The following IER3 variants were observed in gnomAD, a reference collection of about 807,000 sequenced individuals.
IER3 encodes immediate early response 3.
A neutral mutation model predicts 5.4 loss-of-function variants in IER3; 5 were observed. The ratio of observed to expected loss-of-function variants is 0.92; its 90% CI spans 0.48 to 1.94. The LOEUF is 1.94. Among genes scored for constraint, IER3 ranks in the 30% most tolerant of loss-of-function variants. The pLI, the probability that IER3 is intolerant of heterozygous loss-of-function variation, is 0.01. For missense variants in IER3, 158 were observed against 218.2 expected (o/e 0.72, Z 1.74); for synonymous variants, 81 against 97.8 (o/e 0.83, Z 1.01).
Position 30,743,676 on chromosome 6 carries a change from T to G in IER3, c.*260A>C, listed in dbSNP as rs1778188780. On this transcript the variant is annotated 3_prime_UTR_variant, in exon 2 of 2. Coordinates refer to ENST00000259874, the MANE Select transcript of IER3 (RefSeq NM_003897.4). This position sits in a 1 kb window ranked among gnomAD's most constrained non-coding sequence, Gnocchi z 6.5. ...TACATAAATACATATAAATATTAATTAGGAGCAATAAGAAATAAATTAACG... is the reference window on the plus strand; with the variant it reads ...TACATAAATACATATAAATATTAATGAGGAGCAATAAGAAATAAATTAACG... 5.5e-6 allele frequency: 3 copies of G among 547,924 alleles called. No homozygotes were observed. The South Asian group carries it at 7.8e-5, about 14-fold the overall frequency. The allele number at this position is 547,924 out of a possible 1,614,324, so 33.9% of individuals were successfully genotyped here. A position where few individuals can be genotyped will look rare whatever the true frequency, so the allele number is the denominator to read the frequency against.
rs983948343 is a variant in IER3, at chr6:30,743,415, ACCT to A, written c.*518_*520del. ...AGTTGAGATGCTGGAGGATGCAGTCACCTCCTAAACTTACGACCCACCACCAGA... is the reference window on the plus strand; with the variant it reads ...AGTTGAGATGCTGGAGGATGCAGTCACCTAAACTTACGACCCACCACCAGA... On this transcript the variant is annotated 3_prime_UTR_variant, in exon 2 of 2. Transcript: ENST00000259874. This position sits in a 1 kb window ranked among gnomAD's most constrained non-coding sequence, Gnocchi z 6.5. The A allele has an allele frequency of 6.4e-6, 1 of 157,058 alleles. No individual in the cohort carries two copies. Among genetic ancestry groups the A allele is most frequent in the African/African-American group, 2.4e-5 (1 of 41,420 alleles). The allele number at this position is 157,058 out of a possible 1,614,324, so 9.7% of individuals were successfully genotyped here.
Position 30,743,597 on chromosome 6 carries a change from C to T in IER3, c.*339G>A, listed in dbSNP as rs1778183339. Reference sequence around the variant, plus strand: ...TACAGCAGGGGGAACATCTCACACCCTTGCATAAGTTAAAATAAATATTAC... The same window carrying T: ...TACAGCAGGGGGAACATCTCACACCTTTGCATAAGTTAAAATAAATATTAC... On this transcript the variant is annotated 3_prime_UTR_variant, in exon 2 of 2. Coordinates refer to ENST00000259874, the MANE Select transcript of IER3 (RefSeq NM_003897.4). The surrounding 1 kb of genome is among the most constrained non-coding windows in gnomAD (Gnocchi z 6.5). The T allele has an allele frequency of 2.5e-6, 1 of 394,174 alleles. No individual in the cohort carries two copies. 24.4% of individuals were successfully genotyped at this position (394,174 alleles called of 1,614,324 possible).
Position 30,744,253 on chromosome 6 carries a change from TC to T in IER3, c.210+55del. 2 of 1,612,696 alleles carry T rather than the reference TC, an allele frequency of 1.2e-6. No homozygotes were observed. The highest frequency in any genetic ancestry group is 1.7e-6 in the Non-Finnish European group (2 of 1,179,864). On this transcript the variant is annotated intron_variant, in intron 1 of 1. Transcript: ENST00000259874. This position sits in a 1 kb window ranked among gnomAD's most constrained non-coding sequence, Gnocchi z 6.0. The stretch of plus-strand genomic sequence containing the variant: ...GTCGAGGCCTCTGGAGTCGGGTCGT[TC>T]CCCAGTGACTCCAGGGCAGCGCACC...
In IER3 at chr6:30,743,971, T is replaced by A. The variant is rs1300708725; in HGVS notation, c.436A>T (p.Ser146Cys). 6.2e-7 allele frequency: 1 copy of A among 1,613,494 alleles called. No homozygotes were observed. Among genetic ancestry groups the A allele is most frequent in the Non-Finnish European group, 8.5e-7 (1 of 1,179,904 alleles). Residue 146 changes from serine to cysteine, a missense_variant, in exon 2 of 2, where the codon AGC (serine) becomes TGC (cysteine). Ser to Cys is a moderately radical substitution (Grantham distance 112, BLOSUM62 -1). Coordinates refer to ENST00000259874, the MANE Select transcript of IER3 (RefSeq NM_003897.4). The surrounding 1 kb of genome is among the most constrained non-coding windows in gnomAD (Gnocchi z 6.5). ...SEPSDYALDLSTFLQQHPAAF is the reference protein window; with the variant it reads ...SEPSDYALDLCTFLQQHPAAF The stretch of plus-strand genomic sequence containing the variant: ...GCCGGGTGTTGCTGGAGGAAAGTGC[T>A]GAGGTCCAGAGCGTAGTCCGAGGGC...
In IER3 at chr6:30,743,751, T is replaced by C; in HGVS notation, c.*185A>G. The stretch of plus-strand genomic sequence containing the variant: ...GCCCCAGCTGGGCTGTGCCTCGGTC[T>C]CTATGCGCCTCGGTCTCTGTGCGCC... On this transcript the variant is annotated 3_prime_UTR_variant, in exon 2 of 2. Transcript: ENST00000259874. This position sits in a 1 kb window ranked among gnomAD's most constrained non-coding sequence, Gnocchi z 6.5. 4 of 757,138 alleles carry C rather than the reference T, an allele frequency of 5.3e-6. No individual in the cohort carries two copies. The highest frequency in any genetic ancestry group is 8.2e-6 in the Non-Finnish European group (4 of 489,854). The allele number at this position is 757,138 out of a possible 1,614,324, so 46.9% of individuals were successfully genotyped here.
At position 30,744,265 on chromosome 6, in the gene IER3, C is replaced by A; in HGVS notation, c.210+44G>T. The A allele has an allele frequency of 6.2e-7, 1 of 1,612,766 alleles. No homozygotes were observed. Among genetic ancestry groups the A allele is most frequent in the Non-Finnish European group, 8.5e-7 (1 of 1,179,848 alleles). ...GGAGTCGGGTCGTTCCCCAGTGACTCCAGGGCAGCGCACCCCGCGAATGCC... is the reference window on the plus strand; with the variant it reads ...GGAGTCGGGTCGTTCCCCAGTGACTACAGGGCAGCGCACCCCGCGAATGCC... On this transcript the variant is annotated intron_variant, in intron 1 of 1. Transcript: ENST00000259874. The surrounding 1 kb of genome is among the most constrained non-coding windows in gnomAD (Gnocchi z 6.0).
At position 30,744,535 on chromosome 6, in the gene IER3, T is replaced by C. The variant is rs1421010949; in HGVS notation, c.-17A>G. 3.4e-6 allele frequency: 5 copies of C among 1,461,064 alleles called. No homozygotes were observed. The highest frequency in any genetic ancestry group is 2.5e-5 in the East Asian group (1 of 39,216). 90.5% of individuals were successfully genotyped at this position (1,461,064 alleles called of 1,614,324 possible). A position where few individuals can be genotyped will look rare whatever the true frequency, so the allele number is the denominator to read the frequency against. On this transcript the variant is annotated 5_prime_UTR_variant, in exon 1 of 2. Coordinates refer to ENST00000259874, the MANE Select transcript of IER3 (RefSeq NM_003897.4). The surrounding 1 kb of genome is among the most constrained non-coding windows in gnomAD (Gnocchi z 6.0). ...GTGACACATGGTGAGCCGAGCGGAG[T>C]GTAAGGCCAAGTGAGGGTCGGCTGC...
chr6:30,743,804 G>C lies in IER3; in HGVS notation c.*132C>G. On this transcript the variant is annotated 3_prime_UTR_variant, in exon 2 of 2. Transcript: ENST00000259874. This position sits in a 1 kb window ranked among gnomAD's most constrained non-coding sequence, Gnocchi z 6.5. ...GGTCCCGCCTCAAGCACCGGGTGGCGTCTCCGCTGTAGTGTTCTGAGTTCA... is the reference window on the plus strand; with the variant it reads ...GGTCCCGCCTCAAGCACCGGGTGGCCTCTCCGCTGTAGTGTTCTGAGTTCA... The C allele has an allele frequency of 7.9e-7, 1 of 1,264,036 alleles. No homozygotes were observed. Among genetic ancestry groups the C allele is most frequent in the Non-Finnish European group, 1.1e-6 (1 of 922,468 alleles). The allele number at this position is 1,264,036 out of a possible 1,614,324, so 78.3% of individuals were successfully genotyped here.
chr6:30,744,525 C>T lies in IER3; in HGVS notation c.-7G>A. 2 of 1,477,870 alleles carry T rather than the reference C, an allele frequency of 1.4e-6. No individual in the cohort carries two copies. The highest frequency in any genetic ancestry group is 1.8e-6 in the Non-Finnish European group (2 of 1,117,598). The allele number at this position is 1,477,870 out of a possible 1,614,324, so 91.5% of individuals were successfully genotyped here. On this transcript the variant is annotated 5_prime_UTR_variant, in exon 1 of 2. Transcript: ENST00000259874. The surrounding 1 kb of genome is among the most constrained non-coding windows in gnomAD (Gnocchi z 6.0). ...AGCTGCGAGAGTGACACATGGTGAGCCGAGCGGAGTGTAAGGCCAAGTGAG... is the reference window on the plus strand; with the variant it reads ...AGCTGCGAGAGTGACACATGGTGAGTCGAGCGGAGTGTAAGGCCAAGTGAG...
chr6:30,743,814 T>G lies in IER3; in HGVS notation c.*122A>C. 7.4e-7 allele frequency: 1 copy of G among 1,348,344 alleles called. No individual in the cohort carries two copies. The highest frequency in any genetic ancestry group is 1.0e-6 in the Non-Finnish European group (1 of 983,518). The allele number at this position is 1,348,344 out of a possible 1,614,324, so 83.5% of individuals were successfully genotyped here. A position where few individuals can be genotyped will look rare whatever the true frequency, so the allele number is the denominator to read the frequency against. On this transcript the variant is annotated 3_prime_UTR_variant, in exon 2 of 2. Coordinates refer to ENST00000259874, the MANE Select transcript of IER3 (RefSeq NM_003897.4). The surrounding 1 kb of genome is among the most constrained non-coding windows in gnomAD (Gnocchi z 6.5). ...CAAGCACCGGGTGGCGTCTCCGCTG[T>G]AGTGTTCTGAGTTCAAGTTGCCTCG...
chr6:30,743,755 T>C lies in IER3; in HGVS notation c.*181A>G. ...CAGCTGGGCTGTGCCTCGGTCTCTA[T>C]GCGCCTCGGTCTCTGTGCGCCTCGG... On this transcript the variant is annotated 3_prime_UTR_variant, in exon 2 of 2. Coordinates refer to ENST00000259874, the MANE Select transcript of IER3 (RefSeq NM_003897.4). The surrounding 1 kb of genome is among the most constrained non-coding windows in gnomAD (Gnocchi z 6.5). The C allele has an allele frequency of 1.3e-6, 1 of 792,526 alleles. No individual in the cohort carries two copies. Among genetic ancestry groups the C allele is most frequent in the Non-Finnish European group, 1.9e-6 (1 of 519,376 alleles). 49.1% of individuals were successfully genotyped at this position (792,526 alleles called of 1,614,324 possible).
At position 30,743,951 on chromosome 6, in the gene IER3, G is replaced by T. The variant is rs1334455608; in HGVS notation, c.456C>A (p.His152Gln). The T allele has an allele frequency of 6.2e-7, 1 of 1,612,144 alleles. No individual in the cohort carries two copies. Among genetic ancestry groups the T allele is most frequent in the African/African-American group, 1.3e-5 (1 of 74,760 alleles). Residue 152 changes from histidine (H) to glutamine (Q), a missense_variant, in exon 2 of 2, where the codon CAC (histidine) becomes CAA (glutamine). His to Gln is a conservative substitution (Grantham distance 24). Coordinates refer to ENST00000259874, the MANE Select transcript of IER3 (RefSeq NM_003897.4). The surrounding 1 kb of genome is among the most constrained non-coding windows in gnomAD (Gnocchi z 6.5). ...ALDLSTFLQQ[H>Q]PAAF ...GGAGTCACAGTTAGAAGGCGGCCGG[G>T]TGTTGCTGGAGGAAAGTGCTGAGGT...
At position 30,744,209 on chromosome 6, in the gene IER3, AAAACAGGAGACAGGT is replaced by A; in HGVS notation, c.211-28_211-14del. 6.2e-7 allele frequency: 1 copy of A among 1,613,336 alleles called. No individual in the cohort carries two copies. Among genetic ancestry groups the A allele is most frequent in the Admixed American group, 1.7e-5 (1 of 60,026 alleles). On this transcript the variant is annotated splice_polypyrimidine_tract_variant and intron_variant, in intron 1 of 1. Transcript: ENST00000259874. This position sits in a 1 kb window ranked among gnomAD's most constrained non-coding sequence, Gnocchi z 6.0. The stretch of plus-strand genomic sequence containing the variant: ...GCTGGCGCCGGACCTAAGGGGAGAC[AAAACAGGAGACAGGT>A]CAGGTCGAGGCCTCTGGAGTCGGGT...
chr6:30,744,310 A>C lies in IER3; in HGVS notation c.209T>G (p.Val70Gly). ...AATGCCCACTTCGGCGATACTCACC[A>C]CTCGAGGGTAGAGAACCCTGCGGCT... ...KRSRRVLYPR[V>G]VRRQLPVEEP... The change falls in exon 1 of 2, where the codon GTG (valine) becomes GGG (glycine). Residue 70 changes from valine (V) to glycine (G), a missense_variant and splice_region_variant. Physicochemically the swap from Val to Gly is moderately radical, Grantham distance 109 (BLOSUM62 -3). Coordinates refer to ENST00000259874, the MANE Select transcript of IER3 (RefSeq NM_003897.4). The surrounding 1 kb of genome is among the most constrained non-coding windows in gnomAD (Gnocchi z 6.0). 1.2e-6 allele frequency: 2 copies of C among 1,612,472 alleles called. No homozygotes were observed. The highest frequency in any genetic ancestry group is 1.7e-6 in the Non-Finnish European group (2 of 1,179,912).
rs762827505 is a variant in IER3 at position 30,743,991 on chromosome 6, G to A, written c.416C>T (p.Ser139Leu). Residue 139 changes from serine to leucine, a missense_variant, in exon 2 of 2, where the codon TCG (serine) becomes TTG (leucine). Coordinates refer to ENST00000259874, the MANE Select transcript of IER3 (RefSeq NM_003897.4). The surrounding 1 kb of genome is among the most constrained non-coding windows in gnomAD (Gnocchi z 6.5). Reference sequence around the variant, plus strand: ...AGTGCTGAGGTCCAGAGCGTAGTCCGAGGGCTCCGAAGTCAGATTAAAGGG... The same window carrying A: ...AGTGCTGAGGTCCAGAGCGTAGTCCAAGGGCTCCGAAGTCAGATTAAAGGG... ...LEPFNLTSEP[S>L]DYALDLSTFL... 8 of 1,613,816 alleles carry A rather than the reference G, an allele frequency of 5.0e-6. No homozygotes were observed. Among genetic ancestry groups the A allele is most frequent in the Admixed American group, 1.7e-5 (1 of 59,894 alleles).
chr6:30,744,528 A>T lies in IER3; in HGVS notation c.-10T>A. ...TGCGAGAGTGACACATGGTGAGCCG[A>T]GCGGAGTGTAAGGCCAAGTGAGGGT... is the stretch of plus-strand genomic sequence containing the variant. On this transcript the variant is annotated 5_prime_UTR_variant, in exon 1 of 2. Coordinates refer to ENST00000259874, the MANE Select transcript of IER3 (RefSeq NM_003897.4). This position sits in a 1 kb window ranked among gnomAD's most constrained non-coding sequence, Gnocchi z 6.0. 6.8e-7 allele frequency: 1 copy of T among 1,475,274 alleles called. No individual in the cohort carries two copies. The highest frequency in any genetic ancestry group is 1.4e-5 in the South Asian group (1 of 70,762). The allele number at this position is 1,475,274 out of a possible 1,614,324, so 91.4% of individuals were successfully genotyped here.
Position 30,744,364 on chromosome 6 carries a change from G to C in IER3, c.155C>G (p.Pro52Arg), listed in dbSNP as rs767193934. The C allele has an allele frequency of 3.7e-6, 6 of 1,608,850 alleles. No homozygotes were observed. Among genetic ancestry groups the C allele is most frequent in the Non-Finnish European group, 4.2e-6 (5 of 1,178,638 alleles). The change falls in exon 1 of 2, where the codon CCC becomes CGC. Residue 52 changes from proline to arginine, a missense_variant. Physicochemically the swap from Pro to Arg is moderately radical, Grantham distance 103 (BLOSUM62 -2). Transcript: ENST00000259874. The surrounding 1 kb of genome is among the most constrained non-coding windows in gnomAD (Gnocchi z 6.0). ...CTTTCGGTGCCCGCGAGAGGCGCTG[G>C]GGCGCCCGGCAGGGGCCGCTGCGGG... ...PEPAAAPAGR[P>R]SASRGHRKRS... is the part of the protein sequence containing the mutation.
chr6:30,743,996 C>T lies in IER3; in HGVS notation c.411G>A (p.Glu137=). ...AVLEPFNLTS[E]PSDYALDLST... ...TGAGGTCCAGAGCGTAGTCCGAGGG[C>T]TCCGAAGTCAGATTAAAGGGCTCGA... is the stretch of plus-strand genomic sequence containing the variant. The change falls in exon 2 of 2, where the codon GAG becomes GAA. Residue 137 remains glutamate (E), a synonymous_variant. Transcript: ENST00000259874. This position sits in a 1 kb window ranked among gnomAD's most constrained non-coding sequence, Gnocchi z 6.5. 2 of 1,613,900 alleles carry T rather than the reference C, an allele frequency of 1.2e-6. No homozygotes were observed. The highest frequency in any genetic ancestry group is 2.7e-5 in the African/African-American group (2 of 74,990).
chr6:30,744,353 G>A lies in IER3; in HGVS notation c.166C>T (p.Arg56Cys). The A allele has an allele frequency of 6.2e-7, 1 of 1,611,308 alleles. No individual in the cohort carries two copies. Among genetic ancestry groups the A allele is most frequent in the Non-Finnish European group, 8.5e-7 (1 of 1,179,458 alleles). The stretch of plus-strand genomic sequence containing the variant: ...CTGCGGCTGCGCTTTCGGTGCCCGC[G>A]AGAGGCGCTGGGGCGCCCGGCAGGG... ...AAPAGRPSAS[R>C]GHRKRSRRVL... Residue 56 changes from arginine (R) to cysteine (C), a missense_variant, in exon 1 of 2, where the codon CGC becomes TGC. Coordinates refer to ENST00000259874, the MANE Select transcript of IER3 (RefSeq NM_003897.4). This position sits in a 1 kb window ranked among gnomAD's most constrained non-coding sequence, Gnocchi z 6.0.
Sources: allele counts gnomAD v4.1 joint callset, GRCh38; gene constraint gnomAD v4.1.1; non-coding constraint Gnocchi (gnomAD v3.1); transcripts MANE v1.5; gene names NCBI Gene and HGNC (gene_info 2026-07-23, HGNC 2026-07-21).